The following NCAM1 variants were observed in gnomAD, a reference collection of about 807,000 sequenced individuals.
NCAM1 encodes the protein neural cell adhesion molecule 1, also known as antigen recognized by monoclonal antibody 5.1H11.
Under a neutral mutation model 109.8 loss-of-function variants are expected in NCAM1, and 14 were observed. The observed-to-expected ratio is 0.13, with a 90% CI of 0.08 to 0.20. The LOEUF (loss-of-function observed/expected upper bound fraction) is 0.20. NCAM1 is among the 10% of genes least tolerant of loss of function. The pLI, the probability that NCAM1 is intolerant of heterozygous loss-of-function variation, is 1.00. For missense variants in NCAM1, 774 were observed against 1,109.9 expected (o/e 0.70, Z 4.30); for synonymous variants, 418 against 442.9 (o/e 0.94, Z 0.70).
rs75065824 is a variant in NCAM1, at chr11:113,046,390, G to A, written c.52+84726G>A. Among the ~76,000 whole-genome samples the A allele has an allele frequency of 7.8e-4, 119 of 152,212 alleles. 1 individual carries two copies. Among genetic ancestry groups the A allele is most frequent in the African/African-American group, 2.6e-3 (110 of 41,522 alleles). On this transcript the variant is annotated intron_variant, in intron 1 of 19. Coordinates refer to ENST00000316851, the MANE Select transcript of NCAM1 (RefSeq NM_181351.5). Reference sequence around the variant, plus strand: ...TCTTAACTATAATTCTATAATTACCGCCTCCCCATCCCAAAACAGCACTGG... The same window carrying A: ...TCTTAACTATAATTCTATAATTACCACCTCCCCATCCCAAAACAGCACTGG...
At chr11:113,262,922 T>C in intron 17 of NCAM1, 1 of 1,613,708 alleles carries the variant, frequency 6.2e-7, no homozygotes, top group Non-Finnish European at 8.5e-7. Context: ...TTTTGCTCTG[T>C]TAGGAACTTG....
chr11:113,253,122 A>T (rs1555121687), intron 15 of NCAM1, among the ~76,000 whole-genome samples: 1 of 151,976 alleles, frequency 6.6e-6, no homozygotes, highest in African/African-American at 2.4e-5. Flanking sequence ...TTCAAATTAC[A>T]TTTTTTCTGA....
At chr11:113,067,674 C>A (rs1555084460) in intron 1 of NCAM1, among the ~76,000 whole-genome samples, 1 of 152,208 alleles carries the variant, frequency 6.6e-6, no homozygotes, top group African/African-American at 2.4e-5. Context: ...CTTTCCTAGC[C>A]TCAGTGGGTT....
rs1555063098 is a variant in NCAM1, at chr11:112,961,681, T to G, written c.52+17T>G. The G allele has an allele frequency of 1.4e-6, 2 of 1,419,224 alleles. No individual in the cohort carries two copies. Among genetic ancestry groups the G allele is most frequent in the African/African-American group, 2.9e-5 (2 of 70,044 alleles). 87.9% of individuals were successfully genotyped at this position (1,419,224 alleles called of 1,614,324 possible). A position where few individuals can be genotyped will look rare whatever the true frequency, so the allele number is the denominator to read the frequency against. ...GAACTGCAGGTACATTTTTTTTTTT[T>G]TTAATTCTCAATCTGGTTTGCTAAT... On this transcript the variant is annotated intron_variant, in intron 1 of 19. Transcript: ENST00000316851.
At chr11:113,259,695 CATTGCTTTTTT>C (rs1478467840) in intron 16 of NCAM1, among the ~76,000 whole-genome samples, 7 of 140,588 alleles carry the variant, frequency 5.0e-5, no homozygotes, top group Admixed American at 3.5e-4. Flanking sequence ...CATGTCCCAT[CATTGCTTTTTT>C]TTTTTTTTTT....
At chr11:113,222,092 C>A (rs1408910743) in intron 9 of NCAM1, among the ~76,000 whole-genome samples, 1 of 152,062 alleles carries the variant, frequency 6.6e-6, no homozygotes, top group African/African-American at 2.4e-5. Context: ...ATTTTTTACC[C>A]GATTTATATG....
intron 1 of NCAM1, among the ~76,000 whole-genome samples, chr11:112,974,378 C>T (rs1419322571): frequency 6.6e-6 from 1 of 151,860 alleles, no homozygotes; most frequent in Non-Finnish European, 1.5e-5. Flanking sequence ...CCCTGGCTGC[C>T]TATTAGTAAA....
intron 1 of NCAM1, among the ~76,000 whole-genome samples, chr11:113,052,885 G>A (rs1953560156): frequency 6.6e-6 from 1 of 152,070 alleles, no homozygotes; most frequent in African/African-American, 2.4e-5. Context: ...GGTGTGTATT[G>A]CTCCCCTCCC....
chr11:113,018,881 C>A (rs1299112800), intron 1 of NCAM1, among the ~76,000 whole-genome samples: 1 of 151,900 alleles, frequency 6.6e-6, no homozygotes. Context: ...ACAAAAATTA[C>A]CTATTTTTTT....
rs17115160 is a variant in NCAM1 at position 113,207,864 on chromosome 11, G to A, written c.778G>A (p.Asp260Asn). Reference protein sequence around the residue: ...DGEQIEQEEDDEKYIFSDDSS... With the variant: ...DGEQIEQEEDNEKYIFSDDSS... ...GGAACAGATAGAGCAAGAGGAAGACGATGAGAAGTACATCTTCAGCGACGA... is the reference window on the plus strand; with the variant it reads ...GGAACAGATAGAGCAAGAGGAAGACAATGAGAAGTACATCTTCAGCGACGA... Residue 260 changes from aspartate to asparagine, a missense_variant, in exon 7 of 20, where the codon GAT (aspartate) becomes AAT (asparagine). Around this residue, in one of 4 missense-constraint regions of NCAM1, gnomAD observed 523 missense variants for 784.2 expected, o/e 0.67. Coordinates refer to ENST00000316851, the MANE Select transcript of NCAM1 (RefSeq NM_181351.5). 19,983 of 1,611,398 alleles carry A rather than the reference G, an allele frequency of 0.012. 159 individuals carry two copies. The highest frequency in any genetic ancestry group is 0.015 in the Middle Eastern group (91 of 6,058).
chr11:113,009,164 T>A, intron 1 of NCAM1, among the ~76,000 whole-genome samples: 1 of 152,072 alleles, frequency 6.6e-6, no homozygotes, highest in Non-Finnish European at 1.5e-5. Context: ...TTTTTTCTTT[T>A]TCAAATAGGA....
At chr11:113,087,391 G>A (rs1939138069) in intron 1 of NCAM1, among the ~76,000 whole-genome samples, 1 of 152,226 alleles carries the variant, frequency 6.6e-6, no homozygotes. Context: ...ACGATCCACA[G>A]ATGACCTCAG....
chr11:113,048,732 C>T (rs1280333882), intron 1 of NCAM1, among the ~76,000 whole-genome samples: 1 of 152,194 alleles, frequency 6.6e-6, no homozygotes, highest in Non-Finnish European at 1.5e-5. Context: ...TGACACATAC[C>T]AGCTCAGTGA....
intron 1 of NCAM1, among the ~76,000 whole-genome samples, chr11:113,100,539 C>T (rs571682202): frequency 9.8e-4 from 149 of 152,178 alleles, no homozygotes; most frequent in African/African-American, 3.3e-3. Context: ...GGAGGTGGCT[C>T]TCAGTGGGAT....
At chr11:113,260,438 A>G (rs1437837797) in intron 17 of NCAM1, 115 bp downstream of exon 17, 1 of 1,173,482 alleles carries the variant, frequency 8.5e-7, no homozygotes, top group Admixed American at 2.5e-5. Context: ...CATCCTCATG[A>G]TTGGTTGCCC....
intron 1 of NCAM1, among the ~76,000 whole-genome samples, chr11:113,034,383 C>T (rs1365866479): frequency 8.6e-5 from 13 of 151,916 alleles, no homozygotes; most frequent in Admixed American, 2.6e-4. Flanking sequence ...TATAAACACA[C>T]TAATATTTGA....
At chr11:113,124,127 AAAG>A (rs1271582748) in intron 1 of NCAM1, among the ~76,000 whole-genome samples, 2 of 152,146 alleles carry the variant, frequency 1.3e-5, no homozygotes, top group African/African-American at 4.8e-5. Context: ...AATGCTAGGG[AAAG>A]AAGAAGGGAA....
intron 1 of NCAM1, among the ~76,000 whole-genome samples, chr11:113,124,874 T>C (rs1941115868): frequency 6.6e-6 from 1 of 152,226 alleles, no homozygotes; most frequent in Non-Finnish European, 1.5e-5. Context: ...GTACATTGAA[T>C]GTATATTTAA....
At chr11:113,109,039 T>C (rs1266222674) in intron 1 of NCAM1, among the ~76,000 whole-genome samples, 1 of 150,492 alleles carries the variant, frequency 6.6e-6, no homozygotes, top group Non-Finnish European at 1.5e-5. Flanking sequence ...TTGAAGTATT[T>C]TAACAAGGTT....
Sources: gnomAD v4.1 joint callset for allele counts (sites outside exome capture counted in the v4.1 genomes callset) on GRCh38, gnomAD v4.1.1 for gene constraint, gnomAD v4.1.1 regional missense constraint, MANE v1.5 for transcripts, NCBI Gene and HGNC (gene_info 2026-07-23, HGNC 2026-07-21) for gene names.